The following ZNF536 variants were observed in gnomAD, a reference collection of about 807,000 sequenced individuals.
ZNF536 encodes the protein zinc finger protein 536.
Under a neutral mutation model 84.5 loss-of-function variants are expected in ZNF536, and 13 were observed. The ratio of observed to expected loss-of-function variants is 0.15; its 90% confidence interval spans 0.10 to 0.24. The LOEUF (loss-of-function observed/expected upper bound fraction) is 0.24. Among genes scored for constraint, ZNF536 ranks in the 10% least tolerant of loss-of-function variants. The pLI is 1.00. For synonymous variants in ZNF536, 811 were observed against 742.5 expected, an observed-to-expected ratio of 1.09 and a Z score of -1.50; for missense variants, 1,536 against 1,747.5, an observed-to-expected ratio of 0.88 and a Z score of 2.16.
chr19:30,247,341 G>A (rs2144994303), intron 1 of ZNF536, among the ~76,000 whole-genome samples: 2 of 152,338 alleles, frequency 1.3e-5, no homozygotes, highest in South Asian at 4.1e-4. Context: ...TAACACAGGG[G>A]AGGTGTGCAA....
chr19:30,435,697 T>C lies in ZNF536; in HGVS notation c.-2-7864T>C, dbSNP rs184949154. ...ACTACCCCATGTGAACTTGTCTTCT[T>C]TCCATCCCCAGCAGCTACTTGCCTG... On this transcript the variant is annotated intron_variant, in intron 1 of 4. Transcript: ENST00000355537. Among the ~76,000 whole-genome samples, 427 of 152,258 alleles carry C rather than the reference T, an allele frequency of 2.8e-3. 2 individuals carry two copies. The highest frequency in any genetic ancestry group is 4.7e-3 in the Non-Finnish European group (323 of 68,020).
intron 1 of ZNF536, among the ~76,000 whole-genome samples, chr19:30,388,409 C>T (rs1383866710): frequency 6.6e-6 from 1 of 152,196 alleles, no homozygotes; most frequent in East Asian, 1.9e-4. Flanking sequence ...ATGGGGGCGA[C>T]CCCGCTCCTC....
Position 30,557,328 on chromosome 19 carries a change from C to A in ZNF536, c.*164C>A. On this transcript the variant is annotated 3_prime_UTR_variant, in exon 5 of 5. Transcript: ENST00000355537. ...TAGGTATGTGTATACACACGGTGCA[C>A]CAATCTACAGTATATATAGCAGAGA... is the stretch of plus-strand genomic sequence containing the variant. 1 of 710,678 alleles carries A rather than the reference C, an allele frequency of 1.4e-6. No homozygotes were observed. The highest frequency in any genetic ancestry group is 2.4e-6 in the Non-Finnish European group (1 of 411,692). The allele number at this position is 710,678 out of a possible 1,614,324, so 44.0% of individuals were successfully genotyped here.
chr19:30,454,420 T>C (rs1440069245), intron 2 of ZNF536, among the ~76,000 whole-genome samples: 1 of 152,232 alleles, frequency 6.6e-6, no homozygotes, highest in Non-Finnish European at 1.5e-5. Flanking sequence ...TTCTGGAACA[T>C]GTTCAACATG....
At chr19:30,361,755 T>C (rs79555218) in intron 3 of ZNF536, among the ~76,000 whole-genome samples, 4,155 of 128,206 alleles carry the variant, frequency 0.032, 90 homozygotes, top group Non-Finnish European at 0.045. Flanking sequence ...AAATTTCTTC[T>C]GCCACGTTCA....
At chr19:30,226,493 G>C (rs2022621739), upstream of ZNF536, among the ~76,000 whole-genome samples, 1 of 151,724 alleles carries the variant, frequency 6.6e-6, no homozygotes, top group Non-Finnish European at 1.5e-5. The surrounding 1 kb of genome is among the most constrained non-coding windows in gnomAD (Gnocchi z 4.6). Context: ...TGATTGCATC[G>C]GCCTCCTGTG....
At chr19:30,316,356 C>T (rs1600192442) in intron 2 of ZNF536, among the ~76,000 whole-genome samples, 1 of 152,306 alleles carries the variant, frequency 6.6e-6, no homozygotes, top group East Asian at 1.9e-4. Context: ...CTTGTATGTC[C>T]CTCATTCAGA....
chr19:30,403,617 A>C (rs2050143029), intron 1 of ZNF536, among the ~76,000 whole-genome samples: 1 of 152,192 alleles, frequency 6.6e-6, no homozygotes. Context: ...TATCCGCTTT[A>C]TTGAAGTTGG....
intron 1 of ZNF536, among the ~76,000 whole-genome samples, chr19:30,239,541 A>C (rs1003093807): frequency 6.6e-6 from 1 of 152,198 alleles, no homozygotes; most frequent in African/African-American, 2.4e-5. Context: ...TGAGACAGAC[A>C]CACTTGTTGT....
chr19:30,309,430 T>C (rs2046433505), intron 2 of ZNF536, among the ~76,000 whole-genome samples: 1 of 152,176 alleles, frequency 6.6e-6, no homozygotes, highest in Non-Finnish European at 1.5e-5. Context: ...CAGATAACTG[T>C]TTGTGGAGTA....
chr19:30,301,021 T>C (rs934773426), intron 2 of ZNF536, among the ~76,000 whole-genome samples: 1 of 152,214 alleles, frequency 6.6e-6, no homozygotes, highest in Non-Finnish European at 1.5e-5. Flanking sequence ...AGTGATTCCA[T>C]AAAATGCTGG....
chr19:30,240,234 A>C (rs993905652), intron 1 of ZNF536, among the ~76,000 whole-genome samples: 11 of 152,052 alleles, frequency 7.2e-5, no homozygotes, highest in African/African-American at 2.4e-4. Context: ...TTAGCCAGGC[A>C]TGGTGGCGGG....
At position 30,548,212 on chromosome 19, in the gene ZNF536, T is replaced by C; in HGVS notation, c.2593T>C (p.Ser865Pro). The change falls in exon 4 of 5, where the codon TCC (serine) becomes CCC (proline). Residue 865 changes from serine to proline, a missense_variant. This residue lies in a region of ZNF536 where 624 missense variants were observed against 603.1 expected (regional missense o/e 1.03). Transcript: ENST00000355537. ...ASQQWTSGVL[S>P]SGDHSGQATG... The stretch of plus-strand genomic sequence containing the variant: ...TCAGCAGTGGACATCAGGGGTTCTC[T>C]CCTCTGGAGATCACTCGGGGCAGGC... 6.2e-7 allele frequency: 1 copy of C among 1,614,178 alleles called. No individual in the cohort carries two copies. Among genetic ancestry groups the C allele is most frequent in the Non-Finnish European group, 8.5e-7 (1 of 1,180,038 alleles).
chr19:30,712,274 A>C (rs1447733343), exon 2 of ZNF536: 3 of 152,196 alleles, frequency 2.0e-5, no homozygotes, highest in Non-Finnish European at 4.4e-5. Context: ...ATTTAAGAAG[A>C]CTAGTTAAAG....
At chr19:30,662,537 T>TGG (rs58201416) in intron 1 of ZNF536, among the ~76,000 whole-genome samples, 7 of 151,630 alleles carry the variant, frequency 4.6e-5, no homozygotes, top group African/African-American at 1.7e-4. Context: ...CTCCCGCAGA[T>TGG]GGGGGGGGAT....
At chr19:30,691,169 C>G (rs994001105) in intron 1 of ZNF536, among the ~76,000 whole-genome samples, 1 of 152,118 alleles carries the variant, frequency 6.6e-6, no homozygotes, top group African/African-American at 2.4e-5. Context: ...AGACCGCTGA[C>G]CAGCTGGCTG....
At chr19:30,330,107 A>G (rs543525363) in intron 2 of ZNF536, among the ~76,000 whole-genome samples, 1 of 152,284 alleles carries the variant, frequency 6.6e-6, no homozygotes, top group East Asian at 1.9e-4. Flanking sequence ...TACTCCCGTC[A>G]CCACCACCAC....
chr19:30,603,994 G>A (rs1433203882), intron 1 of ZNF536, among the ~76,000 whole-genome samples: 2 of 152,292 alleles, frequency 1.3e-5, no homozygotes, highest in Non-Finnish European at 2.9e-5. Context: ...GAAGACTGAG[G>A]CAGGAGAATC....
chr19:30,370,622 G>T (rs1418727382), upstream of ZNF536, among the ~76,000 whole-genome samples: 1 of 152,090 alleles, frequency 6.6e-6, no homozygotes, highest in Non-Finnish European at 1.5e-5. Context: ...TTATGACAAA[G>T]AATGTTATAA....
Sources: gnomAD v4.1 joint callset for allele counts (sites outside exome capture counted in the v4.1 genomes callset) on GRCh38, gnomAD v4.1.1 for gene constraint, gnomAD v4.1.1 regional missense constraint, Gnocchi (gnomAD v3.1) non-coding constraint, MANE v1.5 for transcripts, NCBI Gene and HGNC (gene_info 2026-07-23, HGNC 2026-07-21) for gene names.